Variants in GRIK2 observed in about 807,000 individuals in gnomAD.
GRIK2 encodes glutamate receptor ionotropic, kainate 2.
Under a neutral mutation model 100.3 loss-of-function variants are expected in GRIK2, and 32 were observed. The observed-to-expected ratio is 0.32, with a 90% CI of 0.24 to 0.43. GRIK2 has a LOEUF of 0.43. GRIK2 is among the 20% of genes least tolerant of loss of function. GRIK2 has a pLI of 1.00. For missense variants in GRIK2, 843 were observed against 1,114.9 expected, an observed-to-expected ratio of 0.76 and a Z score of 3.47; for synonymous variants, 417 against 389.4, an observed-to-expected ratio of 1.07 and a Z score of -0.83.
At chr6:101,828,106 A>G (rs1782452870) in intron 10 of GRIK2, among the ~76,000 whole-genome samples, 1 of 152,092 alleles carries the variant, frequency 6.6e-6, no homozygotes, top group Non-Finnish European at 1.5e-5. Context: ...GAATAAAAAT[A>G]GAAAGCAACA....
At chr6:102,004,605 G>C (rs889115900) in intron 14 of GRIK2, among the ~76,000 whole-genome samples, 5 of 151,842 alleles carry the variant, frequency 3.3e-5, no homozygotes, top group Non-Finnish European at 7.4e-5. Flanking sequence ...ATCACAGAGG[G>C]TCAGAAGCAA....
At chr6:101,979,184 A>C (rs1419580271) in intron 14 of GRIK2, among the ~76,000 whole-genome samples, 8 of 151,978 alleles carry the variant, frequency 5.3e-5, no homozygotes, top group Non-Finnish European at 8.8e-5. Flanking sequence ...TTGTTGGAAA[A>C]ATAGGAAGTA....
intron 2 of GRIK2, among the ~76,000 whole-genome samples, chr6:101,576,826 A>G (rs1294623965): frequency 1.3e-5 from 2 of 152,018 alleles, no homozygotes; most frequent in South Asian, 2.1e-4. Flanking sequence ...CTAAATGTAC[A>G]CTTTTATCTA....
chr6:101,637,589 A>G (rs942376936), intron 4 of GRIK2, among the ~76,000 whole-genome samples: 11 of 152,046 alleles, frequency 7.2e-5, no homozygotes, highest in African/African-American at 2.7e-4. Flanking sequence ...CTGCTACTCT[A>G]TTTAAATGTG....
In GRIK2 at chr6:101,829,753, C is replaced by T. The variant is rs553854168; in HGVS notation, c.1317+11270C>T. Among the ~76,000 whole-genome samples the T allele has an allele frequency of 1.2e-3, 185 of 151,848 alleles. 3 individuals carry two copies. Among genetic ancestry groups the T allele is most frequent in the African/African-American group, 4.2e-3 (176 of 41,508 alleles). ...AACAACAACAGCAACAACAAAATCA[C>T]GCTGAAAGATGACACAAATAAATGG... On this transcript the variant is annotated intron_variant, in intron 10 of 16. Transcript: ENST00000369134.
At chr6:101,899,879 C>T (rs1787725638) in intron 12 of GRIK2, among the ~76,000 whole-genome samples, 1 of 151,982 alleles carries the variant, frequency 6.6e-6, no homozygotes, top group South Asian at 2.1e-4. Context: ...CCTTACTATT[C>T]TTGGTAATGG....
At chr6:101,870,705 A>G (rs1785357092) in intron 11 of GRIK2, among the ~76,000 whole-genome samples, 1 of 151,806 alleles carries the variant, frequency 6.6e-6, no homozygotes, top group Non-Finnish European at 1.5e-5. Flanking sequence ...ATATTATCAC[A>G]CTTTCCTTCA....
chr6:101,789,203 T>C lies in GRIK2; in HGVS notation c.952-10445T>C, dbSNP rs201293765. Among the ~76,000 whole-genome samples, 304 of 152,328 alleles carry C rather than the reference T, an allele frequency of 2.0e-3. 7 individuals are homozygous for C. In the East Asian group the frequency reaches 0.051, roughly 26 times the overall value. The stretch of plus-strand genomic sequence containing the variant: ...TTTCTTTTGCTGTGCAGAAGCTGTT[T>C]AGTTTAATTAGATCCCATTTGTCAA... On this transcript the variant is annotated intron_variant, in intron 7 of 16. Transcript: ENST00000369134.
intron 2 of GRIK2, among the ~76,000 whole-genome samples, chr6:101,499,659 A>G (rs935012387): frequency 2.0e-5 from 3 of 152,092 alleles, no homozygotes; most frequent in African/African-American, 7.2e-5. Flanking sequence ...GATTTCTGCC[A>G]TTAAATTTGT....
At chr6:101,498,210 T>C (rs915149735) in intron 2 of GRIK2, among the ~76,000 whole-genome samples, 5 of 151,096 alleles carry the variant, frequency 3.3e-5, no homozygotes, top group Non-Finnish European at 7.4e-5. Flanking sequence ...TCATTTTTTA[T>C]GGCTGCATAG....
chr6:101,554,898 C>A lies in GRIK2; in HGVS notation c.116-67051C>A, dbSNP rs185369109. Among the ~76,000 whole-genome samples, 6 of 151,928 alleles carry A rather than the reference C, an allele frequency of 3.9e-5. No homozygotes were observed. In the East Asian group the frequency reaches 9.7e-4, roughly 25 times the overall value. On this transcript the variant is annotated intron_variant, in intron 2 of 16. Transcript: ENST00000369134. ...TCAACCATAGGTATATGTGACCACT[C>A]AAAACTGAATAGATAATATGTGATG...
chr6:101,416,742 T>C (rs1281948569), intron 2 of GRIK2, among the ~76,000 whole-genome samples: 2 of 152,184 alleles, frequency 1.3e-5, no homozygotes, highest in Non-Finnish European at 2.9e-5. Context: ...TTTTTAAAAA[T>C]TGGACACATT....
At chr6:101,484,859 A>T (rs955762215) in intron 2 of GRIK2, among the ~76,000 whole-genome samples, 13 of 152,186 alleles carry the variant, frequency 8.5e-5, no homozygotes, top group African/African-American at 3.1e-4. Context: ...CAGAATTTAT[A>T]AGTTCAAAAT....
intron 14 of GRIK2, among the ~76,000 whole-genome samples, chr6:101,988,507 T>A (rs1049099147): frequency 1.3e-5 from 2 of 151,802 alleles, no homozygotes; most frequent in Non-Finnish European, 2.9e-5. Context: ...CTAAATTGAA[T>A]TCTGGTTCAC....
chr6:101,490,930 T>C (rs1357805668), intron 2 of GRIK2, among the ~76,000 whole-genome samples: 1 of 138,636 alleles, frequency 7.2e-6, no homozygotes, highest in Non-Finnish European at 1.6e-5. Flanking sequence ...CAGACATGCA[T>C]GCGTGCACAT....
intron 2 of GRIK2, among the ~76,000 whole-genome samples, chr6:101,608,785 GT>G (rs1262880147): frequency 1.3e-3 from 100 of 77,006 alleles, no homozygotes; most frequent in African/African-American, 4.6e-3. Flanking sequence ...TCATAGAGGG[GT>G]GTGTGTGTGT....
At chr6:101,433,459 G>A (rs1051583198) in intron 2 of GRIK2, among the ~76,000 whole-genome samples, 2 of 152,282 alleles carry the variant, frequency 1.3e-5, no homozygotes, top group Admixed American at 1.3e-4. Context: ...ATGGTTATGA[G>A]TATTAAAAGA....
intron 2 of GRIK2, among the ~76,000 whole-genome samples, chr6:101,614,115 G>A (rs1759409079): frequency 6.6e-6 from 1 of 151,604 alleles, no homozygotes. Flanking sequence ...ATGATTTACA[G>A]ATTGTATGAT....
chr6:101,676,239 G>A (rs1770831597), intron 4 of GRIK2, among the ~76,000 whole-genome samples: 1 of 152,084 alleles, frequency 6.6e-6, no homozygotes, highest in Non-Finnish European at 1.5e-5. Context: ...GGTATAAAGG[G>A]AAACTATTTT....
Sources: allele counts gnomAD v4.1 joint callset (sites outside exome capture counted in the v4.1 genomes callset), GRCh38; gene constraint gnomAD v4.1.1; transcripts MANE v1.5; gene names NCBI Gene and HGNC (gene_info 2026-07-23, HGNC 2026-07-21).